Variants in ARFIP1 observed in about 807,000 individuals in gnomAD.
The protein encoded by ARFIP1 is ARF interacting protein 1.
In ARFIP1, 24 loss-of-function variants were observed where a neutral mutation model predicts 42.5. That is an observed-to-expected ratio of 0.57 (90% CI 0.41 to 0.80). The LOEUF is 0.80. Among genes scored for constraint, ARFIP1 ranks in the 30% least tolerant of loss-of-function variants. ARFIP1 has a pLI of 0.00. For missense variants in ARFIP1, 354 were observed against 434.0 expected (o/e 0.82, Z 1.64); for synonymous variants, 141 against 153.7 (o/e 0.92, Z 0.61).
At chr4:152,796,600 T>C in intron 1 of ARFIP1, 1 of 875,624 alleles carries the variant, frequency 1.1e-6, no homozygotes, top group Non-Finnish European at 1.9e-6. Context: ...CTGTGGAATC[T>C]TTTCATCATT....
chr4:152,795,585 G>A (rs927016471), intron 1 of ARFIP1, among the ~76,000 whole-genome samples: 4 of 152,120 alleles, frequency 2.6e-5, no homozygotes, highest in African/African-American at 9.7e-5. Context: ...AAGTGTATAT[G>A]TCATTTTGTT....
intron 1 of ARFIP1, among the ~76,000 whole-genome samples, chr4:152,803,991 TATATA>T (rs1015310924): frequency 2.4e-4 from 33 of 136,252 alleles, no homozygotes; most frequent in Admixed American, 1.1e-3. Flanking sequence ...ATATTTTATA[TATATA>T]ATATAACATG....
intron 1 of ARFIP1, among the ~76,000 whole-genome samples, chr4:152,792,744 C>T (rs1731209871): frequency 6.6e-6 from 1 of 152,120 alleles, no homozygotes; most frequent in Admixed American, 6.5e-5. Flanking sequence ...AACTCTCCCT[C>T]ACTAAAATTT....
At chr4:152,823,089 A>G (rs1730522259) in intron 1 of ARFIP1, among the ~76,000 whole-genome samples, 1 of 152,182 alleles carries the variant, frequency 6.6e-6, no homozygotes, top group Admixed American at 6.5e-5. Context: ...AAAATACAAA[A>G]TATCAGTGAA....
At chr4:152,899,028 G>A (rs997409453) in intron 8 of ARFIP1, among the ~76,000 whole-genome samples, 5 of 152,090 alleles carry the variant, frequency 3.3e-5, no homozygotes, top group African/African-American at 1.2e-4. Context: ...TGATCCCTGC[G>A]GTGACTTGGC....
intron 2 of ARFIP1, among the ~76,000 whole-genome samples, chr4:152,852,930 C>T (rs1368201345): frequency 6.6e-6 from 1 of 152,102 alleles, no homozygotes; most frequent in African/African-American, 2.4e-5. Context: ...ATAGGAAGGC[C>T]TTAGTGATTT....
chr4:152,835,910 A>G (rs1731609657), intron 2 of ARFIP1, among the ~76,000 whole-genome samples: 1 of 152,192 alleles, frequency 6.6e-6, no homozygotes, highest in African/African-American at 2.4e-5. Context: ...TGGTGAGAGC[A>G]GGAGCAAGAG....
chr4:152,824,173 A>G (rs1022688897), intron 1 of ARFIP1, among the ~76,000 whole-genome samples: 1 of 150,928 alleles, frequency 6.6e-6, no homozygotes, highest in Non-Finnish European at 1.5e-5. Flanking sequence ...ATTAGCTGGA[A>G]GTGTTGGTGC....
At chr4:152,879,928 G>A (rs111649150) in intron 5 of ARFIP1, among the ~76,000 whole-genome samples, 104 of 152,338 alleles carry the variant, frequency 6.8e-4, no homozygotes, top group African/African-American at 2.4e-3. Context: ...ATTTAATGAT[G>A]AGGTATATAT....
chr4:152,890,583 A>G (rs1333539047), intron 8 of ARFIP1, among the ~76,000 whole-genome samples: 1 of 152,180 alleles, frequency 6.6e-6, no homozygotes, highest in African/African-American at 2.4e-5. Flanking sequence ...GAAGGAAGGA[A>G]TATGGTGATT....
At chr4:152,823,019 C>A (rs1016128665) in intron 1 of ARFIP1, among the ~76,000 whole-genome samples, 3 of 151,644 alleles carry the variant, frequency 2.0e-5, no homozygotes, top group African/African-American at 7.3e-5. Context: ...AAATCAAACC[C>A]AAAGCTAGCA....
chr4:152,793,972 AG>A (rs1731281574), intron 1 of ARFIP1, among the ~76,000 whole-genome samples: 1 of 152,086 alleles, frequency 6.6e-6, no homozygotes, highest in Non-Finnish European at 1.5e-5. Context: ...TTTTATTTAA[AG>A]GGTAATTCCT....
At chr4:152,863,776 C>T in intron 3 of ARFIP1, 62 bp downstream of exon 3, 1 of 1,036,790 alleles carries the variant, frequency 9.6e-7, no homozygotes, top group Non-Finnish European at 1.5e-6. Flanking sequence ...TCACCAAATG[C>T]TACCTTTATT....
chr4:152,885,344 C>T (rs894337198), intron 7 of ARFIP1, among the ~76,000 whole-genome samples: 4 of 152,028 alleles, frequency 2.6e-5, no homozygotes, highest in African/African-American at 9.7e-5. Flanking sequence ...TCCTAGCCCT[C>T]TGGTGCTTCA....
intron 1 of ARFIP1, among the ~76,000 whole-genome samples, chr4:152,827,690 G>T (rs1452094645): frequency 6.6e-6 from 1 of 151,944 alleles, no homozygotes. Flanking sequence ...TTTTTTGTTT[G>T]TTTGAGACAG....
Position 152,837,549 on chromosome 4 carries a change from T to A in ARFIP1, c.93+7823T>A, listed in dbSNP as rs144673998. ...TTTAGTGATGTTGAGCATTTTTTCATATGTTTGTTGGCCATTTGTATATCT... is the reference window on the plus strand; with the variant it reads ...TTTAGTGATGTTGAGCATTTTTTCAAATGTTTGTTGGCCATTTGTATATCT... On this transcript the variant is annotated intron_variant, in intron 2 of 8. Coordinates refer to ENST00000353617, the MANE Select transcript of ARFIP1 (RefSeq NM_001025595.3). Among the ~76,000 whole-genome samples the A allele has an allele frequency of 5.8e-3, 888 of 152,354 alleles. 7 individuals carry two copies. The highest frequency in any genetic ancestry group is 0.021 in the African/African-American group (854 of 41,592).
chr4:152,829,061 G>A (rs1181832411), intron 1 of ARFIP1, among the ~76,000 whole-genome samples: 1 of 152,180 alleles, frequency 6.6e-6, no homozygotes, highest in Non-Finnish European at 1.5e-5. Flanking sequence ...TGGGCTCCCT[G>A]TTCCACTGAC....
At chr4:152,855,380 G>C (rs550952567) in intron 2 of ARFIP1, among the ~76,000 whole-genome samples, 1 of 152,178 alleles carries the variant, frequency 6.6e-6, no homozygotes, top group Non-Finnish European at 1.5e-5. Context: ...TGCAGAATGC[G>C]TGAGTAGGAG....
intron 7 of ARFIP1, among the ~76,000 whole-genome samples, chr4:152,887,709 C>G (rs1736378061): frequency 6.6e-6 from 1 of 151,916 alleles, no homozygotes; most frequent in African/African-American, 2.4e-5. Flanking sequence ...CATTGCTAAC[C>G]CAGACTTTTT....
Sources: allele counts gnomAD v4.1 joint callset (sites outside exome capture counted in the v4.1 genomes callset), GRCh38; gene constraint gnomAD v4.1.1; transcripts MANE v1.5; gene names NCBI Gene and HGNC (gene_info 2026-07-23, HGNC 2026-07-21).